The following CWH43 variants were observed in gnomAD, a reference collection of about 807,000 sequenced individuals.
CWH43 encodes the protein cell wall biogenesis 43 C-terminal homolog, also known as PGAP2-interacting protein.
Under a neutral mutation model 85.7 loss-of-function variants are expected in CWH43, and 91 were observed. That is an observed-to-expected ratio of 1.06 (90% CI 0.90 to 1.26). The LOEUF is 1.26. Ranked by LOEUF, CWH43 falls within the 50% of genes most tolerant of loss-of-function variation. CWH43 has a pLI of 0.00. For missense variants in CWH43, 869 were observed against 839.2 expected, an observed-to-expected ratio of 1.04 and a Z score of -0.44; for synonymous variants, 323 against 293.6, an observed-to-expected ratio of 1.10 and a Z score of -1.02.
chr4:49,037,782 A>T (rs1340305068), intron 12 of CWH43, among the ~76,000 whole-genome samples: 1 of 152,206 alleles, frequency 6.6e-6, no homozygotes, highest in Non-Finnish European at 1.5e-5. Flanking sequence ...TTTAGAGTAG[A>T]TCTTTAAATT....
intron 5 of CWH43, 109 bp from the exon 6 acceptor site, chr4:48,998,351 A>T: frequency 1.3e-6 from 1 of 797,062 alleles, no homozygotes; most frequent in Non-Finnish European, 2.1e-6. Context: ...TGTTTCACAC[A>T]CGTTATCTCT....
intron 13 of CWH43, among the ~76,000 whole-genome samples, chr4:49,039,337 ATG>A (rs1272872864): frequency 1.9e-4 from 2 of 10,484 alleles, no homozygotes; most frequent in Admixed American, 1.6e-3. Flanking sequence ...ATATATACTG[ATG>A]TATATATATA....
At chr4:49,050,535 C>A (rs1437016681) in intron 14 of CWH43, among the ~76,000 whole-genome samples, 159 bp from the exon 15 acceptor site, 1 of 151,936 alleles carries the variant, frequency 6.6e-6, no homozygotes, top group Non-Finnish European at 1.5e-5. Flanking sequence ...AATATTTTGC[C>A]AATATTTAGA....
Position 48,992,605 on chromosome 4 carries a change from A to G in CWH43, c.511+515A>G, listed in dbSNP as rs1284138920. On this transcript the variant is annotated intron_variant, in intron 4 of 15. Transcript: ENST00000226432. The surrounding 1 kb of genome is among the most constrained non-coding windows in gnomAD (Gnocchi z 4.3). ...GCATATGCATACTGACTTTCCAATC[A>G]CCTGTCTCTCCCAGGGGCCAGCTTT... Among the ~76,000 whole-genome samples the G allele has an allele frequency of 6.6e-6, 1 of 152,152 alleles. No homozygotes were observed. The highest frequency in any genetic ancestry group is 1.9e-4 in the East Asian group (1 of 5,192).
intron 8 of CWH43, among the ~76,000 whole-genome samples, chr4:49,008,066 G>A (rs1041575267): frequency 6.6e-6 from 1 of 152,196 alleles, no homozygotes; most frequent in Non-Finnish European, 1.5e-5. Context: ...CACAATGGTT[G>A]AACTTATTTA....
In CWH43 at chr4:49,052,535, A is replaced by G. The variant is rs138326882; in HGVS notation, c.2021+1686A>G. On this transcript the variant is annotated intron_variant, in intron 15 of 15. Coordinates refer to ENST00000226432, the MANE Select transcript of CWH43 (RefSeq NM_025087.3). ...GGATTCCCTCCTTTTGCTGATTGAG[A>G]TGGTTTCTTAAATGGAAGCTAAAAA... Among the ~76,000 whole-genome samples the G allele has an allele frequency of 9.3e-4, 141 of 152,280 alleles. No homozygotes were observed. In the East Asian group the frequency reaches 0.025, roughly 27 times the overall value.
At chr4:49,015,494 C>T (rs1440910870) in intron 8 of CWH43, among the ~76,000 whole-genome samples, 8 of 152,148 alleles carry the variant, frequency 5.3e-5, no homozygotes, top group South Asian at 2.1e-4. Context: ...TTTGGTGTTC[C>T]GTAGTTTCAC....
chr4:49,007,348 T>TA (rs756630342), intron 8 of CWH43, 22 bp downstream of exon 8: 15 of 1,515,690 alleles, frequency 9.9e-6, no homozygotes, highest in South Asian at 5.4e-5. Context: ...TTTACATTCT[T>TA]AAAAAAAATT....
intron 15 of CWH43, among the ~76,000 whole-genome samples, chr4:49,056,769 T>C (rs970451461): frequency 6.6e-6 from 1 of 152,142 alleles, no homozygotes; most frequent in Non-Finnish European, 1.5e-5. Context: ...TTATTTTTTC[T>C]TAAGGTAGGT....
At chr4:48,997,718 C>T (rs541060805) in intron 5 of CWH43, among the ~76,000 whole-genome samples, 1 of 152,210 alleles carries the variant, frequency 6.6e-6, no homozygotes, top group East Asian at 1.9e-4. Flanking sequence ...ATACCCTTTC[C>T]CCCAGAATTC....
chr4:49,052,852 C>T (rs951656892), intron 15 of CWH43, among the ~76,000 whole-genome samples: 1 of 152,172 alleles, frequency 6.6e-6, no homozygotes, highest in African/African-American at 2.4e-5. Flanking sequence ...TTATTATTAA[C>T]TATAGTCACA....
chr4:49,028,205 T>G (rs1783979607), intron 9 of CWH43, among the ~76,000 whole-genome samples: 1 of 151,648 alleles, frequency 6.6e-6, no homozygotes, highest in Non-Finnish European at 1.5e-5. Context: ...TGCAACATAC[T>G]TTTTTTTTAA....
intron 8 of CWH43, among the ~76,000 whole-genome samples, chr4:49,007,707 T>C (rs565300302): frequency 1.6e-3 from 236 of 150,756 alleles, no homozygotes; most frequent in African/African-American, 5.6e-3. Context: ...TTCCCACCTA[T>C]GAGTGAGAAC....
In CWH43 at chr4:49,016,958, G is replaced by A. The variant is rs181668540; in HGVS notation, c.1187-291G>A. The A allele has an allele frequency of 4.2e-4, 329 of 782,818 alleles. 3 individuals are homozygous for A. The East Asian group carries it at 7.4e-3, about 18-fold the overall frequency. 48.5% of individuals were successfully genotyped at this position (782,818 alleles called of 1,614,324 possible). On this transcript the variant is annotated intron_variant, in intron 8 of 15. Coordinates refer to ENST00000226432, the MANE Select transcript of CWH43 (RefSeq NM_025087.3). Reference sequence around the variant, plus strand: ...TAAAGGCCCCATTAGTCACTTTGTAGCAGTTCTGCGCAGGCACAGCAATCT... The same window carrying A: ...TAAAGGCCCCATTAGTCACTTTGTAACAGTTCTGCGCAGGCACAGCAATCT...
chr4:49,049,183 C>T (rs1194286624), intron 14 of CWH43, among the ~76,000 whole-genome samples: 7 of 152,096 alleles, frequency 4.6e-5, no homozygotes, highest in African/African-American at 1.4e-4. Flanking sequence ...GGACTTGAGC[C>T]CAGACAATGC....
At chr4:49,017,385 T>G in intron 9 of CWH43, 57 bp downstream of exon 9, 1 of 1,241,584 alleles carries the variant, frequency 8.1e-7, no homozygotes, top group East Asian at 2.4e-5. Flanking sequence ...TGTGCATATA[T>G]TTGTACAATT....
At position 49,004,126 on chromosome 4, in the gene CWH43, T is replaced by C. The variant is rs150139394; in HGVS notation, c.1060+134T>C. 4 of 772,902 alleles carry C rather than the reference T, an allele frequency of 5.2e-6. No individual in the cohort carries two copies. The African/African-American group carries it at 7.0e-5, about 14-fold the overall frequency. 47.9% of individuals were successfully genotyped at this position (772,902 alleles called of 1,614,324 possible). ...AGCTTTCTTGGTAAAATAGACTCTC[T>C]TGATTAAAACACAAAACCTGGAGTG... On this transcript the variant is annotated intron_variant, in intron 7 of 15. Coordinates refer to ENST00000226432, the MANE Select transcript of CWH43 (RefSeq NM_025087.3).
chr4:48,986,381 G>A lies in CWH43; in HGVS notation c.-49G>A. ...CTGGGGGCGCAGGGCTAGGGCAGCG[G>A]GCCCGACCCGCACGGCTTTCCTGGA... On this transcript the variant is annotated 5_prime_UTR_variant, in exon 1 of 16. Coordinates refer to ENST00000226432, the MANE Select transcript of CWH43 (RefSeq NM_025087.3). The A allele has an allele frequency of 2.0e-6, 3 of 1,535,952 alleles. No homozygotes were observed. The highest frequency in any genetic ancestry group is 2.6e-6 in the Non-Finnish European group (3 of 1,136,846).
chr4:49,004,672 G>A (rs1783099141), intron 7 of CWH43, among the ~76,000 whole-genome samples: 1 of 152,122 alleles, frequency 6.6e-6, no homozygotes, highest in African/African-American at 2.4e-5. Context: ...TTACAGGTGT[G>A]AGCCACCACA....
Sources: allele counts gnomAD v4.1 joint callset (sites outside exome capture counted in the v4.1 genomes callset), GRCh38; gene constraint gnomAD v4.1.1; non-coding constraint Gnocchi (gnomAD v3.1); transcripts MANE v1.5; gene names NCBI Gene and HGNC (gene_info 2026-07-23, HGNC 2026-07-21).